Variants in NUMB observed in about 807,000 individuals in gnomAD.
NUMB encodes NUMB endocytic adaptor protein.
In NUMB, 29 loss-of-function variants were observed where a neutral mutation model predicts 59.7. That is an observed-to-expected ratio of 0.49 (90% CI 0.36 to 0.66). The LOEUF is 0.66. Ranked by LOEUF, NUMB falls within the 30% of genes least tolerant of loss-of-function variation. The probability of loss-of-function intolerance (pLI) is 0.00; values close to 1 mark genes in which losing one functional copy is unlikely to be tolerated. For synonymous variants in NUMB, 288 were observed against 288.2 expected (o/e 1.00, Z 0.01); for missense variants, 723 against 822.0 (o/e 0.88, Z 1.47).
At chr14:73,405,895 C>T (rs895509389) in intron 2 of NUMB, among the ~76,000 whole-genome samples, 1 of 152,008 alleles carries the variant, frequency 6.6e-6, no homozygotes, top group African/African-American at 2.4e-5. Flanking sequence ...TACCAATTGG[C>T]ATAATAAAAA....
intron 12 of NUMB, among the ~76,000 whole-genome samples, chr14:73,278,057 A>AAAC (rs1555367145): frequency 9.4e-5 from 14 of 149,304 alleles, no homozygotes; most frequent in Non-Finnish European, 1.5e-4. Context: ...AAAAAAAAAA[A>AAAC]AAAAAAAAAA....
intron 7 of NUMB, 115 bp from the exon 8 acceptor site, chr14:73,292,989 T>C (rs1029518026): frequency 4.2e-5 from 43 of 1,031,816 alleles, no homozygotes; most frequent in Non-Finnish European, 5.9e-5. Context: ...AACTAGGCTA[T>C]GGAATACCTA....
intron 6 of NUMB, among the ~76,000 whole-genome samples, chr14:73,302,470 A>C (rs552583873): frequency 6.9e-6 from 1 of 145,452 alleles, no homozygotes; most frequent in East Asian, 2.0e-4. Flanking sequence ...GCAGTGGAGC[A>C]ATTTAGTCTC....
At chr14:73,453,558 C>CA (rs1296361839) in intron 1 of NUMB, among the ~76,000 whole-genome samples, 1 of 151,770 alleles carries the variant, frequency 6.6e-6, no homozygotes, top group African/African-American at 2.4e-5. Flanking sequence ...TATTGTATTT[C>CA]TACCTCTTAT....
chr14:73,420,189 C>T (rs1295998675), intron 1 of NUMB, among the ~76,000 whole-genome samples: 1 of 152,170 alleles, frequency 6.6e-6, no homozygotes, highest in Non-Finnish European at 1.5e-5. Context: ...CACTCAAGAC[C>T]CAGATGTTTC....
At chr14:73,394,945 T>C (rs2140104794) in intron 2 of NUMB, among the ~76,000 whole-genome samples, 1 of 152,278 alleles carries the variant, frequency 6.6e-6, no homozygotes, top group East Asian at 1.9e-4. Flanking sequence ...TTTCTGTGCC[T>C]ACCTTATTTC....
intron 11 of NUMB, among the ~76,000 whole-genome samples, chr14:73,280,577 C>T (rs1400097245): frequency 1.3e-5 from 2 of 151,958 alleles, no homozygotes; most frequent in Non-Finnish European, 2.9e-5. Flanking sequence ...TTCTCCTTAG[C>T]CCAGCTCTCA....
chr14:73,458,046 C>A (rs576997305), intron 1 of NUMB: 1 of 152,180 alleles, frequency 6.6e-6, no homozygotes, highest in Non-Finnish European at 1.5e-5. Flanking sequence ...TTCCCGGATT[C>A]CTTTTCTCCC....
chr14:73,283,206 C>T (rs1888747222), intron 10 of NUMB, among the ~76,000 whole-genome samples: 1 of 152,130 alleles, frequency 6.6e-6, no homozygotes, highest in African/African-American at 2.4e-5. Flanking sequence ...TCCCTGTCTG[C>T]CCTAGAAGGA....
intron 12 of NUMB, among the ~76,000 whole-genome samples, chr14:73,278,323 C>T (rs61986957): frequency 0.2 from 30,074 of 151,256 alleles, 3,324 homozygotes; most frequent in South Asian, 0.26. Flanking sequence ...AGTTCGAAAA[C>T]AGCCTGGCCA....
chr14:73,309,398 AG>A (rs1890642923), intron 6 of NUMB, among the ~76,000 whole-genome samples: 1 of 152,220 alleles, frequency 6.6e-6, no homozygotes, highest in African/African-American at 2.4e-5. Flanking sequence ...GCCGTAAAAA[AG>A]AATGAGTTCA....
chr14:73,363,197 C>T (rs1388913793), intron 3 of NUMB, among the ~76,000 whole-genome samples: 2 of 151,444 alleles, frequency 1.3e-5, no homozygotes, highest in African/African-American at 2.4e-5. Context: ...CTCAGGAGAC[C>T]GATACAGGAG....
chr14:73,285,863 CG>C (rs1414976837), intron 9 of NUMB, among the ~76,000 whole-genome samples: 4 of 150,778 alleles, frequency 2.7e-5, no homozygotes, highest in African/African-American at 9.8e-5. Flanking sequence ...GAGGTGAAGG[CG>C]GCAGTCAGCG....
chr14:73,377,772 G>A (rs1895023910), intron 2 of NUMB, among the ~76,000 whole-genome samples: 1 of 152,212 alleles, frequency 6.6e-6, no homozygotes, highest in South Asian at 2.1e-4. Context: ...TTCGAGACCA[G>A]CCTAGCCCAC....
chr14:73,321,988 A>G (rs535772428), intron 5 of NUMB, among the ~76,000 whole-genome samples: 5 of 152,256 alleles, frequency 3.3e-5, no homozygotes, highest in Non-Finnish European at 7.4e-5. Flanking sequence ...TATATATTTT[A>G]TATTCAGGAA....
chr14:73,439,767 A>AGGAGAG (rs1474984210), intron 1 of NUMB, among the ~76,000 whole-genome samples: 1 of 152,176 alleles, frequency 6.6e-6, no homozygotes, highest in African/African-American at 2.4e-5. Flanking sequence ...AAGAGGAGAA[A>AGGAGAG]GGAGAGAGAA....
At chr14:73,378,942 T>C (rs139389718) in intron 2 of NUMB, among the ~76,000 whole-genome samples, 15 of 152,224 alleles carry the variant, frequency 9.9e-5, no homozygotes, top group Non-Finnish European at 2.1e-4. Context: ...AGTGGGGAGG[T>C]TGTGCCTATA....
intron 2 of NUMB, among the ~76,000 whole-genome samples, chr14:73,377,792 C>T (rs1280921380): frequency 6.6e-6 from 1 of 152,206 alleles, no homozygotes; most frequent in African/African-American, 2.4e-5. Flanking sequence ...CATGGCGAAA[C>T]CCTGTCTCTA....
At chr14:73,354,281 G>C (rs1348088831) in intron 4 of NUMB, among the ~76,000 whole-genome samples, 1 of 152,032 alleles carries the variant, frequency 6.6e-6, no homozygotes, top group Non-Finnish European at 1.5e-5. Flanking sequence ...AGCTGAAGCA[G>C]GCAGATCACT....
Sources: allele counts gnomAD v4.1 joint callset (sites outside exome capture counted in the v4.1 genomes callset), GRCh38; gene constraint gnomAD v4.1.1; transcripts MANE v1.5; gene names NCBI Gene and HGNC (gene_info 2026-07-23, HGNC 2026-07-21).